The following BCO2 variants were observed in gnomAD, a reference collection of about 807,000 sequenced individuals.
BCO2 encodes beta-carotene oxygenase 2.
A neutral mutation model predicts 65.8 loss-of-function variants in BCO2; 56 were observed. The ratio of observed to expected loss-of-function variants is 0.85; its 90% CI spans 0.69 to 1.06. BCO2 has a LOEUF of 1.06. Among genes scored for constraint, BCO2 ranks in the 50% least tolerant of loss-of-function variants. The probability of loss-of-function intolerance (pLI) is 0.00; values close to 1 mark genes in which losing one functional copy is unlikely to be tolerated. For missense variants in BCO2, 675 were observed against 698.5 expected (o/e 0.97, Z 0.38); for synonymous variants, 233 against 242.3 (o/e 0.96, Z 0.36).
At chr11:112,194,830 G>T in intron 5 of BCO2, 75 bp downstream of exon 5, 1 of 1,080,178 alleles carries the variant, frequency 9.3e-7, no homozygotes, top group Non-Finnish European at 1.4e-6. Flanking sequence ...GAATACTACA[G>T]GTTTGTTTTT....
At chr11:112,187,037 T>G (rs1374761303) in intron 2 of BCO2, among the ~76,000 whole-genome samples, 2 of 152,174 alleles carry the variant, frequency 1.3e-5, no homozygotes, top group East Asian at 3.8e-4. Context: ...AGGCCACACT[T>G]GGAACTTACT....
intron 2 of BCO2, among the ~76,000 whole-genome samples, chr11:112,192,546 A>G (rs921169719): frequency 6.6e-6 from 1 of 152,172 alleles, no homozygotes; most frequent in Non-Finnish European, 1.5e-5. Flanking sequence ...AAGGACAGTT[A>G]TCTTATTTGT....
At chr11:112,192,341 T>G (rs1383918876) in intron 2 of BCO2, among the ~76,000 whole-genome samples, 1 of 152,188 alleles carries the variant, frequency 6.6e-6, no homozygotes, top group Non-Finnish European at 1.5e-5. Flanking sequence ...CTTAGGGTCT[T>G]CAGCTGAACC....
chr11:112,180,271 A>G (rs1388237293), intron 2 of BCO2, among the ~76,000 whole-genome samples: 2 of 152,088 alleles, frequency 1.3e-5, no homozygotes, highest in Non-Finnish European at 2.9e-5. Context: ...TTCCCACAAT[A>G]TTTTTGACTC....
intron 11 of BCO2, 84 bp downstream of exon 11, chr11:112,216,414 A>G: frequency 1.1e-6 from 1 of 947,580 alleles, no homozygotes; most frequent in South Asian, 1.4e-5. Context: ...TCATCTGTCG[A>G]TAGTTTACTT....
At chr11:112,187,212 T>C (rs1174415050) in intron 2 of BCO2, among the ~76,000 whole-genome samples, 4 of 152,230 alleles carry the variant, frequency 2.6e-5, no homozygotes, top group Non-Finnish European at 2.9e-5. Context: ...TACTGTCTCT[T>C]AATTTCTTCT....
chr11:112,196,252 T>C (rs1867570266), intron 5 of BCO2, among the ~76,000 whole-genome samples: 1 of 152,090 alleles, frequency 6.6e-6, no homozygotes. Context: ...ACACTGAATC[T>C]ACTTTTTTTT....
At chr11:112,213,350 T>G (rs1859567375) in intron 8 of BCO2, among the ~76,000 whole-genome samples, 1 of 151,652 alleles carries the variant, frequency 6.6e-6, no homozygotes, top group African/African-American at 2.4e-5. Flanking sequence ...TCCATGTTGG[T>G]CAGGCTGGTC....
chr11:112,196,706 C>T (rs1458145107), intron 5 of BCO2, among the ~76,000 whole-genome samples: 3 of 152,090 alleles, frequency 2.0e-5, no homozygotes, highest in African/African-American at 7.2e-5. Flanking sequence ...TATCCAATTG[C>T]TTACTCAGCA....
intron 8 of BCO2, among the ~76,000 whole-genome samples, chr11:112,209,170 G>A (rs1337278910): frequency 6.6e-6 from 1 of 152,120 alleles, no homozygotes; most frequent in Non-Finnish European, 1.5e-5. Flanking sequence ...TTTGAAAAAT[G>A]CATAATGTCA....
intron 1 of BCO2, among the ~76,000 whole-genome samples, chr11:112,176,792 G>GA (rs2135340999): frequency 6.6e-6 from 1 of 152,260 alleles, no homozygotes; most frequent in Non-Finnish European, 1.5e-5. Context: ...TTTTATCATG[G>GA]AAAAACCTGA....
At chr11:112,182,647 A>G (rs1867085267) in intron 2 of BCO2, among the ~76,000 whole-genome samples, 1 of 151,848 alleles carries the variant, frequency 6.6e-6, no homozygotes, top group Non-Finnish European at 1.5e-5. Context: ...TGGGAATTGA[A>G]CAATGAGAAC....
chr11:112,181,044 T>A (rs1046576944), intron 2 of BCO2: 16 of 1,472,912 alleles, frequency 1.1e-5, no homozygotes, highest in Non-Finnish European at 1.5e-5. Context: ...ACAGAGTGGC[T>A]GACATTAAAT....
chr11:112,211,006 A>T (rs1859493169), intron 8 of BCO2, among the ~76,000 whole-genome samples: 1 of 152,136 alleles, frequency 6.6e-6, no homozygotes, highest in African/African-American at 2.4e-5. Flanking sequence ...CAGTGGCATT[A>T]AGTAAATTCA....
In BCO2 at chr11:112,214,795, G is replaced by A. The variant is rs748282360; in HGVS notation, c.1366G>A (p.Asp456Asn). The A allele has an allele frequency of 6.2e-7, 1 of 1,613,790 alleles. No individual in the cohort carries two copies. The highest frequency in any genetic ancestry group is 1.1e-5 in the South Asian group (1 of 91,056). The change falls in exon 10 of 12, where the codon GAC (aspartate) becomes AAC (asparagine). Residue 456 changes from aspartate to asparagine, a missense_variant. By Grantham distance (23) the Asp-to-Asn change is conservative. Transcript: ENST00000357685. ...CTCTCATGAAAATCTACATCAGGAG[G>A]ACCTAGAAAAGGAAGGAGGCATTGA... ...WCSHENLHQE[D>N]LEKEGGIEFP...
At chr11:112,185,894 C>T (rs542887432) in intron 2 of BCO2, among the ~76,000 whole-genome samples, 1 of 152,142 alleles carries the variant, frequency 6.6e-6, no homozygotes, top group Non-Finnish European at 1.5e-5. Context: ...AAAACTGAAA[C>T]CTTGTATCCA....
chr11:112,190,856 CAAAA>C (rs945768260), intron 2 of BCO2, among the ~76,000 whole-genome samples: 1 of 62,302 alleles, frequency 1.6e-5, no homozygotes, highest in Non-Finnish European at 3.4e-5. Context: ...GACTCTGTCT[CAAAA>C]AAAAAAAAAA....
intron 2 of BCO2, 109 bp from the exon 3 acceptor site, chr11:112,193,365 C>T: frequency 9.7e-7 from 1 of 1,035,034 alleles, no homozygotes; most frequent in East Asian, 2.6e-5. Flanking sequence ...GTGCTGGGAA[C>T]CTGTCCCATT....
rs191064361 is a variant in BCO2 at position 112,190,078 on chromosome 11, G to T, written c.294-3396G>T. 3.4e-4 allele frequency among the ~76,000 whole-genome samples: 51 copies of T among 151,920 alleles called. 3 individuals are homozygous for T. The highest frequency in any genetic ancestry group is 1.2e-3 in the African/African-American group (50 of 41,402). On this transcript the variant is annotated intron_variant, in intron 2 of 11. Coordinates refer to ENST00000357685, the MANE Select transcript of BCO2 (RefSeq NM_031938.7). The stretch of plus-strand genomic sequence containing the variant: ...AGGCAGGAGGATTTCTTGAGGCCAG[G>T]AGCTTGAGATTAGCCTGGGCAACAT...
Sources: gnomAD v4.1 joint callset for allele counts (sites outside exome capture counted in the v4.1 genomes callset) on GRCh38, gnomAD v4.1.1 for gene constraint, MANE v1.5 for transcripts, NCBI Gene and HGNC (gene_info 2026-07-23, HGNC 2026-07-21) for gene names.